SH3GL3: variants seen among roughly 807,000 people sequenced by gnomAD.
The protein encoded by SH3GL3 is endophilin-A3.
SH3GL3 carries 33 observed loss-of-function variants against 47.7 expected under a neutral mutation model. The observed-to-expected ratio is 0.69, with a 90% confidence interval of 0.52 to 0.92. The LOEUF (loss-of-function observed/expected upper bound fraction) is 0.92. SH3GL3 is among the 40% of genes least tolerant of loss of function. The probability of loss-of-function intolerance (pLI) is 0.00; values close to 1 mark genes in which losing one functional copy is unlikely to be tolerated. For synonymous variants in SH3GL3, 155 were observed against 148.8 expected (o/e 1.04, Z -0.30); for missense variants, 363 against 417.8 (o/e 0.87, Z 1.14).
chr15:83,463,763 C>CTTT (rs1327885855), intron 1 of SH3GL3, among the ~76,000 whole-genome samples: 4 of 125,394 alleles, frequency 3.2e-5, no homozygotes, highest in African/African-American at 1.3e-4. Flanking sequence ...TGCTTTCTTT[C>CTTT]TTTCTTTTTT....
chr15:83,591,030 C>T (rs144927923), intron 8 of SH3GL3, among the ~76,000 whole-genome samples: 4,005 of 152,062 alleles, frequency 0.026, 187 homozygotes, highest in African/African-American at 0.09. Flanking sequence ...TTTTTTGAGA[C>T]AGAGTCTCAC....
At chr15:83,521,680 T>C (rs879637846) in intron 1 of SH3GL3, among the ~76,000 whole-genome samples, 3 of 152,084 alleles carry the variant, frequency 2.0e-5, no homozygotes, top group Non-Finnish European at 4.4e-5. Context: ...TGAGAGACAA[T>C]AGGCAAATAA....
chr15:83,568,692 G>C lies in SH3GL3; in HGVS notation c.331+20G>C, dbSNP rs1456424520. ...CCTTTGGTGAGTTATTCAGAGATCA[G>C]CTGGGGGAGCTGAGAACTCCTCCAG... On this transcript the variant is annotated intron_variant, in intron 4 of 8. Transcript: ENST00000427482. 1.5e-5 allele frequency: 24 copies of C among 1,604,324 alleles called. No individual in the cohort carries two copies. The highest frequency in any genetic ancestry group is 2.0e-5 in the Non-Finnish European group (24 of 1,171,728).
intron 1 of SH3GL3, among the ~76,000 whole-genome samples, chr15:83,465,691 CT>C (rs2040538929): frequency 6.6e-6 from 1 of 152,002 alleles, no homozygotes; most frequent in Non-Finnish European, 1.5e-5. Flanking sequence ...GACATTTACC[CT>C]TTCTTGTCTG....
rs1436520778 is a variant in SH3GL3, at chr15:83,603,202, G to A, written c.838+14431G>A. ...TTTAGTAGAGATGGGGCTTCACCAT[G>A]TTGGCCAGGCTGGTCTTGAACTCCT... On this transcript the variant is annotated intron_variant, in intron 8 of 8. Coordinates refer to ENST00000427482, the MANE Select transcript of SH3GL3 (RefSeq NM_003027.5). Among the ~76,000 whole-genome samples, 7 of 152,188 alleles carry A rather than the reference G, an allele frequency of 4.6e-5. No individual in the cohort carries two copies. In the East Asian group the frequency reaches 1.2e-3, roughly 25 times the overall value.
In SH3GL3 at chr15:83,568,148, A is replaced by G. The variant is rs1333234339; in HGVS notation, c.188-381A>G. Among the ~76,000 whole-genome samples the G allele has an allele frequency of 2.0e-5, 3 of 151,716 alleles. No homozygotes were observed. The East Asian group carries it at 5.8e-4, about 29-fold the overall frequency. On this transcript the variant is annotated intron_variant, in intron 3 of 8. Transcript: ENST00000427482. ...CAGGCATGTGCCACCACGCCCAGCT[A>G]ATTTTTTGTATTTTTAGTAGAGACA...
intron 1 of SH3GL3, among the ~76,000 whole-genome samples, chr15:83,515,276 C>G (rs1413386374): frequency 6.6e-6 from 1 of 152,178 alleles, no homozygotes; most frequent in Non-Finnish European, 1.5e-5. Flanking sequence ...ATTAGCATTT[C>G]AAAGAATTGT....
chr15:83,601,990 A>G (rs1415565333), intron 8 of SH3GL3, among the ~76,000 whole-genome samples: 1 of 152,014 alleles, frequency 6.6e-6, no homozygotes, highest in East Asian at 1.9e-4. Flanking sequence ...ATGCAGTAAA[A>G]TAGGATTTCC....
At chr15:83,568,230 G>A (rs183273362) in intron 3 of SH3GL3, among the ~76,000 whole-genome samples, 51 of 151,960 alleles carry the variant, frequency 3.4e-4, no homozygotes, top group South Asian at 1.5e-3. Flanking sequence ...GTGATCTGCC[G>A]GCCTCGGCCT....
chr15:83,615,298 C>T (rs2060784278), intron 8 of SH3GL3, among the ~76,000 whole-genome samples: 22 of 151,986 alleles, frequency 1.4e-4, no homozygotes, highest in Admixed American at 1.4e-3. Context: ...ACTAGTTTTA[C>T]TAGTTATTAA....
At chr15:83,577,597 G>T (rs370651017) in intron 6 of SH3GL3, among the ~76,000 whole-genome samples, 1 of 152,056 alleles carries the variant, frequency 6.6e-6, no homozygotes, top group East Asian at 2.0e-4. Flanking sequence ...TCGCCATGTT[G>T]CCCAGGCTGA....
intron 8 of SH3GL3, among the ~76,000 whole-genome samples, chr15:83,604,973 A>G (rs1357617649): frequency 6.6e-6 from 1 of 152,182 alleles, no homozygotes; most frequent in Admixed American, 6.5e-5. Context: ...AATGCATCTG[A>G]CTTGGAAGGG....
intron 1 of SH3GL3, among the ~76,000 whole-genome samples, chr15:83,539,534 T>C (rs2044065888): frequency 6.6e-6 from 1 of 152,260 alleles, no homozygotes; most frequent in South Asian, 2.1e-4. Context: ...AATCTTCTTT[T>C]TGTCAAATTG....
At chr15:83,563,669 C>T (rs1012958699) in intron 2 of SH3GL3, among the ~76,000 whole-genome samples, 3 of 152,178 alleles carry the variant, frequency 2.0e-5, no homozygotes, top group East Asian at 1.9e-4. Flanking sequence ...CATGGAGTCT[C>T]GCTCTGTTGC....
rs1182487013 is a variant in SH3GL3, at chr15:83,494,968, C to T, written c.45+47390C>T. On this transcript the variant is annotated intron_variant, in intron 1 of 8. Transcript: ENST00000427482. ...TGCTGTGGTCAGGCTCTGTGCACCTCCTCCCTCTCCCCCTTCCAGATGCTC... is the reference window on the plus strand; with the variant it reads ...TGCTGTGGTCAGGCTCTGTGCACCTTCTCCCTCTCCCCCTTCCAGATGCTC... Among the ~76,000 whole-genome samples the T allele has an allele frequency of 3.3e-5, 5 of 152,268 alleles. No homozygotes were observed. The East Asian group carries it at 7.7e-4, about 23-fold the overall frequency.
intron 1 of SH3GL3, among the ~76,000 whole-genome samples, chr15:83,501,518 A>G (rs2042292516): frequency 1.3e-5 from 2 of 152,208 alleles, no homozygotes; most frequent in South Asian, 4.1e-4. Context: ...CTGAAAGGTC[A>G]ATTTATTCAA....
At chr15:83,473,923 C>T (rs1435306984) in intron 1 of SH3GL3, among the ~76,000 whole-genome samples, 2 of 151,068 alleles carry the variant, frequency 1.3e-5, no homozygotes, top group Non-Finnish European at 2.9e-5. Flanking sequence ...ATCTTGGACA[C>T]GTGAGGGAAA....
intron 1 of SH3GL3, among the ~76,000 whole-genome samples, chr15:83,463,570 A>T (rs1567239494): frequency 6.6e-6 from 1 of 152,138 alleles, no homozygotes; most frequent in Non-Finnish European, 1.5e-5. Flanking sequence ...TTGGAAAAAT[A>T]CATTAAATTA....
intron 1 of SH3GL3, among the ~76,000 whole-genome samples, chr15:83,480,906 G>T (rs761135866): frequency 5.9e-5 from 9 of 152,240 alleles, no homozygotes; most frequent in Middle Eastern, 6.8e-3. Flanking sequence ...TTCCCCCATG[G>T]ATACCGAGGG....
Sources: gnomAD v4.1 joint callset for allele counts (sites outside exome capture counted in the v4.1 genomes callset) on GRCh38, gnomAD v4.1.1 for gene constraint, MANE v1.5 for transcripts, NCBI Gene and HGNC (gene_info 2026-07-23, HGNC 2026-07-21) for gene names.